SCTR: variants seen among roughly 807,000 people sequenced by gnomAD.
SCTR encodes pancreatic secretin receptor.
A neutral mutation model predicts 60.8 loss-of-function variants in SCTR; 56 were observed. That is an observed-to-expected ratio of 0.92 (90% CI 0.74 to 1.15). The LOEUF (loss-of-function observed/expected upper bound fraction) is 1.15. Ranked by LOEUF, SCTR falls within the 50% of genes most tolerant of loss-of-function variation. SCTR has a pLI of 0.00. For synonymous variants in SCTR, 202 were observed against 217.0 expected (o/e 0.93, Z 0.61); for missense variants, 562 against 550.4 (o/e 1.02, Z -0.21).
At chr2:119,510,086 C>T (rs1678882621) in intron 1 of SCTR, among the ~76,000 whole-genome samples, 1 of 151,922 alleles carries the variant, frequency 6.6e-6, no homozygotes, top group Non-Finnish European at 1.5e-5. Flanking sequence ...CTGCACCCAT[C>T]AACCTGTCAT....
chr2:119,505,481 GA>G (rs954198768), intron 1 of SCTR, among the ~76,000 whole-genome samples: 27 of 144,742 alleles, frequency 1.9e-4, no homozygotes, highest in South Asian at 6.6e-4. Context: ...ATAAAAAAAA[GA>G]AAAAAAAATG....
At chr2:119,481,210 C>T (rs1041690013) in intron 2 of SCTR, among the ~76,000 whole-genome samples, 2 of 152,216 alleles carry the variant, frequency 1.3e-5, no homozygotes, top group African/African-American at 4.8e-5. Context: ...TGCGGGAGTA[C>T]CCAGATGGCA....
intron 3 of SCTR, among the ~76,000 whole-genome samples, chr2:119,477,890 T>C (rs1315712430): frequency 1.3e-5 from 2 of 152,172 alleles, no homozygotes; most frequent in Admixed American, 6.5e-5. Context: ...CCAGTTCCCA[T>C]AGTGTAGGGT....
At chr2:119,469,297 G>A (rs1676883774) in intron 4 of SCTR, among the ~76,000 whole-genome samples, 1 of 152,168 alleles carries the variant, frequency 6.6e-6, no homozygotes, top group South Asian at 2.1e-4. Flanking sequence ...AGCCTGAAGA[G>A]GCACAGGGTG....
chr2:119,507,213 G>T (rs1678768807), intron 1 of SCTR, among the ~76,000 whole-genome samples: 1 of 152,146 alleles, frequency 6.6e-6, no homozygotes, highest in Non-Finnish European at 1.5e-5. Flanking sequence ...TAAGGAAAGT[G>T]TTTAGCAGTA....
chr2:119,510,671 G>A (rs1678901854), intron 1 of SCTR, among the ~76,000 whole-genome samples: 1 of 149,054 alleles, frequency 6.7e-6, no homozygotes, highest in Non-Finnish European at 1.5e-5. Flanking sequence ...AAGAATTGCT[G>A]AACTTTATGT....
chr2:119,498,616 T>C (rs1678430863), intron 1 of SCTR, among the ~76,000 whole-genome samples: 2 of 152,054 alleles, frequency 1.3e-5, no homozygotes, highest in African/African-American at 4.8e-5. Flanking sequence ...AAAATAGAGA[T>C]AAGATTCTAT....
chr2:119,467,575 T>C (rs1251489980), intron 4 of SCTR, among the ~76,000 whole-genome samples: 1 of 152,170 alleles, frequency 6.6e-6, no homozygotes, highest in Non-Finnish European at 1.5e-5. Flanking sequence ...GAAATATGTA[T>C]CAAGAACCTT....
chr2:119,451,949 G>A (rs763823102), intron 9 of SCTR, 61 bp downstream of exon 9: 43 of 1,037,680 alleles, frequency 4.1e-5, no homozygotes, highest in African/African-American at 7.8e-5. Flanking sequence ...TGCCCCTGTG[G>A]GCTGGTCACC....
At chr2:119,482,295 G>T (rs943271397) in intron 2 of SCTR, among the ~76,000 whole-genome samples, 4 of 152,216 alleles carry the variant, frequency 2.6e-5, no homozygotes, top group Non-Finnish European at 5.9e-5. Flanking sequence ...CCTGAAGAGA[G>T]GCCCAGCCCC....
chr2:119,468,667 G>T (rs778147050), intron 4 of SCTR, among the ~76,000 whole-genome samples: 2 of 152,190 alleles, frequency 1.3e-5, no homozygotes, highest in Non-Finnish European at 2.9e-5. Context: ...GCATGAAATG[G>T]CTCAAAAATT....
chr2:119,451,411 T>C (rs1683165215), intron 9 of SCTR, among the ~76,000 whole-genome samples: 1 of 152,130 alleles, frequency 6.6e-6, no homozygotes, highest in Non-Finnish European at 1.5e-5. Flanking sequence ...ATGGAATCAA[T>C]AGCTATCAGT....
rs987382825 is a variant in SCTR, at chr2:119,457,449, C to A, written c.791-4102G>T. Among the ~76,000 whole-genome samples, 5 of 152,316 alleles carry A rather than the reference C, an allele frequency of 3.3e-5. No individual in the cohort carries two copies. In the South Asian group the frequency reaches 1.0e-3, roughly 32 times the overall value. On this transcript the variant is annotated intron_variant, in intron 7 of 12. Coordinates refer to ENST00000019103, the MANE Select transcript of SCTR (RefSeq NM_002980.3). ...ATTCTTGGTCAGGCGCAATGGCTCA[C>A]AACTATAATCCCAGCACTTTGGGAA...
rs188263377 is a variant in SCTR, at chr2:119,507,714, C to T, written c.73-13166G>A. On this transcript the variant is annotated intron_variant, in intron 1 of 12. Transcript: ENST00000019103. ...TTTTTGAGGCAGAGTCTGGCTCTGTCGCCCAGGCTAGAATGATGCAGTGGC... is the reference window on the plus strand; with the variant it reads ...TTTTTGAGGCAGAGTCTGGCTCTGTTGCCCAGGCTAGAATGATGCAGTGGC... 8.6e-4 allele frequency among the ~76,000 whole-genome samples: 102 copies of T among 118,430 alleles called. 1 individual carries two copies. The highest frequency in any genetic ancestry group is 4.4e-3 in the Admixed American group (35 of 8,006). 77.7% of individuals were successfully genotyped at this position (118,430 alleles called of 152,430 possible).
chr2:119,494,004 C>T (rs1388254689), intron 2 of SCTR, among the ~76,000 whole-genome samples: 1 of 152,194 alleles, frequency 6.6e-6, no homozygotes, highest in African/African-American at 2.4e-5. Context: ...TGTGTTCACA[C>T]AGCCGGTGAG....
At chr2:119,472,568 C>T (rs1047833396) in intron 4 of SCTR, among the ~76,000 whole-genome samples, 9 of 152,210 alleles carry the variant, frequency 5.9e-5, no homozygotes, top group African/African-American at 1.4e-4. Flanking sequence ...ATCCCCTCAG[C>T]TAGGGCAGCT....
intron 2 of SCTR, among the ~76,000 whole-genome samples, chr2:119,490,009 G>A (rs1444259986): frequency 6.6e-6 from 1 of 152,198 alleles, no homozygotes; most frequent in Non-Finnish European, 1.5e-5. Flanking sequence ...ATTGTCCTTG[G>A]GGACAGGAGG....
In SCTR at chr2:119,479,173, A is replaced by G. The variant is rs139552196; in HGVS notation, c.194-255T>C. 741 of 1,275,000 alleles carry G rather than the reference A, an allele frequency of 5.8e-4. 7 individuals are homozygous for G. The African/African-American group carries it at 0.011, about 18-fold the overall frequency. 79.0% of individuals were successfully genotyped at this position (1,275,000 alleles called of 1,614,324 possible). A position where few individuals can be genotyped will look rare whatever the true frequency, so the allele number is the denominator to read the frequency against. The stretch of plus-strand genomic sequence containing the variant: ...AAGGGAGGGAGGAAGGGAAGAAGGA[A>G]AGAAGGAAGGCGCCCTCTCCTATAA... On this transcript the variant is annotated intron_variant, in intron 2 of 12. Coordinates refer to ENST00000019103, the MANE Select transcript of SCTR (RefSeq NM_002980.3).
At chr2:119,512,494 T>TGGAGTGCAGTGGCG (rs1374935929) in intron 1 of SCTR, among the ~76,000 whole-genome samples, 2 of 152,106 alleles carry the variant, frequency 1.3e-5, no homozygotes, top group African/African-American at 4.8e-5. Context: ...CCTCCCAGGC[T>TGGAGTGCAGTGGCG]CAACTGATTC....
Sources: gnomAD v4.1 joint callset for allele counts (sites outside exome capture counted in the v4.1 genomes callset) on GRCh38, gnomAD v4.1.1 for gene constraint, MANE v1.5 for transcripts, NCBI Gene and HGNC (gene_info 2026-07-23, HGNC 2026-07-21) for gene names.